RIPPLY3: variants seen among roughly 807,000 people sequenced by gnomAD.
RIPPLY3 encodes ripply transcriptional repressor 3.
Under a neutral mutation model 11.9 loss-of-function variants are expected in RIPPLY3, and 8 were observed. The ratio of observed to expected loss-of-function variants is 0.67; its 90% CI spans 0.40 to 1.21. RIPPLY3 has a LOEUF of 1.21. RIPPLY3 is among the 50% of genes most tolerant of loss of function. The pLI, the probability that RIPPLY3 is intolerant of heterozygous loss-of-function variation, is 0.01. For synonymous variants in RIPPLY3, 102 were observed against 99.0 expected (o/e 1.03, Z -0.18); for missense variants, 271 against 246.0 (o/e 1.10, Z -0.68).
chr21:37,014,829 T>C (rs1225805446), intron 3 of RIPPLY3, among the ~76,000 whole-genome samples: 1 of 151,908 alleles, frequency 6.6e-6, no homozygotes. Context: ...TGAGCTTAAA[T>C]GATCCTCCCA....
chr21:37,009,488 A>G (rs2069499848), intron 2 of RIPPLY3, among the ~76,000 whole-genome samples: 1 of 152,244 alleles, frequency 6.6e-6, no homozygotes, highest in African/African-American at 2.4e-5. Context: ...TTAACAAGAG[A>G]TGATTTTTAG....
chr21:37,017,784 G>A, intron 3 of RIPPLY3, 90 bp from the exon 4 acceptor site: 1 of 1,022,982 alleles, frequency 9.8e-7, no homozygotes, highest in Non-Finnish European at 1.4e-6. Context: ...AGACTGGGGA[G>A]TTCTCTGCTT....
chr21:37,013,022 G>A (rs1446008283), intron 2 of RIPPLY3, among the ~76,000 whole-genome samples: 2 of 151,810 alleles, frequency 1.3e-5, no homozygotes, highest in South Asian at 2.1e-4. Flanking sequence ...GCGCCACCAC[G>A]CCCATGCCTA....
At chr21:37,010,988 T>C (rs1420026340) in intron 2 of RIPPLY3, among the ~76,000 whole-genome samples, 2 of 135,424 alleles carry the variant, frequency 1.5e-5, no homozygotes, top group African/African-American at 2.6e-5. Context: ...AGGATATTTA[T>C]GGCATTTTTT....
intron 3 of RIPPLY3, among the ~76,000 whole-genome samples, chr21:37,015,086 C>T (rs566803448): frequency 6.6e-6 from 1 of 152,280 alleles, no homozygotes; most frequent in African/African-American, 2.4e-5. Flanking sequence ...AATACAGATG[C>T]CTGGGTGGTT....
At position 37,018,316 on chromosome 21, in the gene RIPPLY3, G is replaced by A. The variant is rs2069603430; in HGVS notation, c.*109G>A. The stretch of plus-strand genomic sequence containing the variant: ...CCTGCTGAGTGTGCAGAGGCTAGAG[G>A]CTTCTCGGGCAGCCCCTGGCCTGCA... On this transcript the variant is annotated 3_prime_UTR_variant, in exon 4 of 4. Transcript: ENST00000329553. 1.1e-6 allele frequency: 1 copy of A among 896,754 alleles called. No homozygotes were observed. Among genetic ancestry groups the A allele is most frequent in the Non-Finnish European group, 1.8e-6 (1 of 571,258 alleles). 55.5% of individuals were successfully genotyped at this position (896,754 alleles called of 1,614,324 possible).
At chr21:37,008,050 T>G in intron 1 of RIPPLY3, 107 bp from the exon 2 acceptor site, 1 of 1,146,348 alleles carries the variant, frequency 8.7e-7, no homozygotes. Context: ...GGGGGTCCGG[T>G]GCCTCTTTTT....
chr21:37,010,069 A>C (rs1311684102), intron 2 of RIPPLY3, among the ~76,000 whole-genome samples: 1 of 152,240 alleles, frequency 6.6e-6, no homozygotes, highest in African/African-American at 2.4e-5. Context: ...CCGACAAAGC[A>C]GGACAATTCC....
At chr21:37,013,321 G>A (rs761237290) in intron 2 of RIPPLY3, among the ~76,000 whole-genome samples, 9 of 152,172 alleles carry the variant, frequency 5.9e-5, no homozygotes, top group Admixed American at 5.9e-4. Flanking sequence ...CTGGACTGAG[G>A]CACTGTGTCC....
chr21:37,007,654 T>G (rs1177496434), intron 1 of RIPPLY3, among the ~76,000 whole-genome samples: 2 of 152,030 alleles, frequency 1.3e-5, no homozygotes. Context: ...AGTGATCCAG[T>G]AACCTCAGCC....
At chr21:37,017,338 C>T (rs943018340) in intron 3 of RIPPLY3, among the ~76,000 whole-genome samples, 1 of 152,078 alleles carries the variant, frequency 6.6e-6, no homozygotes, top group African/African-American at 2.4e-5. Context: ...GAGCAAAGGA[C>T]TTGTGCCTCC....
In RIPPLY3 at chr21:37,006,905, G is replaced by C. The variant is rs2069470278; in HGVS notation, c.104+29G>C. On this transcript the variant is annotated intron_variant, in intron 1 of 3. Coordinates refer to ENST00000329553, the MANE Select transcript of RIPPLY3 (RefSeq NM_018962.3). The surrounding 1 kb of genome is among the most constrained non-coding windows in gnomAD (Gnocchi z 5.2). ...AGGGTGGCCCCGCGCCCCGGTGGAC[G>C]CGCTGAGAGGCGTGCGCGGTGGCGG... 8.7e-7 allele frequency: 1 copy of C among 1,152,866 alleles called. No individual in the cohort carries two copies. Among genetic ancestry groups the C allele is most frequent in the Non-Finnish European group, 1.1e-6 (1 of 919,954 alleles). The allele number at this position is 1,152,866 out of a possible 1,614,324, so 71.4% of individuals were successfully genotyped here. A position where few individuals can be genotyped will look rare whatever the true frequency, so the allele number is the denominator to read the frequency against.
Position 37,018,088 on chromosome 21 carries a change from G to A in RIPPLY3, c.454G>A (p.Gly152Ser). The A allele has an allele frequency of 6.2e-7, 1 of 1,614,122 alleles. No individual in the cohort carries two copies. The highest frequency in any genetic ancestry group is 8.5e-7 in the Non-Finnish European group (1 of 1,180,024). The change falls in exon 4 of 4, where the codon GGC (glycine) becomes AGC (serine). Residue 152 changes from glycine (G) to serine (S), a missense_variant. Gly to Ser is a moderately conservative substitution (Grantham distance 56, BLOSUM62 0). Coordinates refer to ENST00000329553, the MANE Select transcript of RIPPLY3 (RefSeq NM_018962.3). ...GRQENGPGGK[G>S]RDQGINQGQR... ...GCAGGAAAATGGCCCAGGGGGAAAG[G>A]GCAGAGACCAGGGCATCAACCAAGG... is the stretch of plus-strand genomic sequence containing the variant.
At position 37,008,160 on chromosome 21, in the gene RIPPLY3, C is replaced by T. The variant is rs766760048; in HGVS notation, c.108C>T (p.Pro36=). ...CTCCTGGCGCTTGCCGTTCCAGCCC[C>T]GCGCCGTGGCGACCTTGGATCCAGA... The part of the protein sequence containing the change: ...RPPPPRGPES[P]APWRPWIQTP... Residue 36 remains proline (P), a synonymous_variant, in exon 2 of 4, where the codon CCC becomes CCT. Coordinates refer to ENST00000329553, the MANE Select transcript of RIPPLY3 (RefSeq NM_018962.3). 108 of 1,614,016 alleles carry T rather than the reference C, an allele frequency of 6.7e-5. No individual in the cohort carries two copies. The highest frequency in any genetic ancestry group is 9.0e-5 in the Non-Finnish European group (106 of 1,180,020).
At chr21:37,009,768 G>T (rs982961461) in intron 2 of RIPPLY3, among the ~76,000 whole-genome samples, 3 of 152,202 alleles carry the variant, frequency 2.0e-5, no homozygotes, top group African/African-American at 7.2e-5. Flanking sequence ...TACTTGCAGA[G>T]AAATGTTAAA....
At chr21:37,012,843 CCT>C (rs1249284680) in intron 2 of RIPPLY3, among the ~76,000 whole-genome samples, 1 of 149,624 alleles carries the variant, frequency 6.7e-6, no homozygotes, top group Admixed American at 6.8e-5. Flanking sequence ...ACTTGCACCC[CCT>C]GTTTTCCTGC....
chr21:37,017,705 T>C (rs2069592464), intron 3 of RIPPLY3, among the ~76,000 whole-genome samples, 169 bp from the exon 4 acceptor site: 1 of 152,114 alleles, frequency 6.6e-6, no homozygotes, highest in Non-Finnish European at 1.5e-5. Context: ...GTGCCTCCAA[T>C]AGGTGCCTAG....
chr21:37,014,407 C>T (rs957487951), intron 3 of RIPPLY3, among the ~76,000 whole-genome samples: 1 of 152,190 alleles, frequency 6.6e-6, no homozygotes, highest in African/African-American at 2.4e-5. Context: ...CCTCCCACCT[C>T]CTAAGTGTGT....
At chr21:37,006,602 C>G (rs1156917882), upstream of RIPPLY3, 7 of 378,944 alleles carry the variant, frequency 1.8e-5, no homozygotes, top group Non-Finnish European at 3.2e-5. The surrounding 1 kb of genome is among the most constrained non-coding windows in gnomAD (Gnocchi z 5.2). Flanking sequence ...GCGGCCCCCT[C>G]CGCACCCCTC....
Sources: allele counts gnomAD v4.1 joint callset (sites outside exome capture counted in the v4.1 genomes callset), GRCh38; gene constraint gnomAD v4.1.1; non-coding constraint Gnocchi (gnomAD v3.1); transcripts MANE v1.5; gene names NCBI Gene and HGNC (gene_info 2026-07-23, HGNC 2026-07-21).